The following FUT9 variants were observed in gnomAD, a reference collection of about 807,000 sequenced individuals.
The protein encoded by FUT9 is fucosyltransferase 9.
In FUT9, 15 loss-of-function variants were observed where a neutral mutation model predicts 29.7. The observed-to-expected ratio is 0.51, with a 90% CI of 0.34 to 0.78. The LOEUF (loss-of-function observed/expected upper bound fraction) is 0.78. FUT9 is among the 30% of genes least tolerant of loss of function. FUT9 has a pLI of 0.01. For synonymous variants in FUT9, 169 were observed against 153.7 expected (o/e 1.10, Z -0.74); for missense variants, 319 against 425.4 (o/e 0.75, Z 2.20).
At chr6:96,177,682 G>A (rs2127984979) in intron 2 of FUT9, among the ~76,000 whole-genome samples, 1 of 152,264 alleles carries the variant, frequency 6.6e-6, no homozygotes, top group East Asian at 1.9e-4. Context: ...AATGAGGTAA[G>A]TATAGTAACA....
In FUT9 at chr6:96,130,094, C is replaced by T. The variant is rs1020287387; in HGVS notation, c.-9+15967C>T. Among the ~76,000 whole-genome samples the T allele has an allele frequency of 8.6e-5, 13 of 151,834 alleles. No homozygotes were observed. In the East Asian group the frequency reaches 1.9e-3, roughly 23 times the overall value. ...ACATTGGGAGGTGGGAGAGGGGGTA[C>T]GAATCTCAGCATGGTTTTTGGGAGA... On this transcript the variant is annotated intron_variant, in intron 2 of 2. Transcript: ENST00000302103.
At chr6:96,157,270 A>G (rs1772803188) in intron 2 of FUT9, among the ~76,000 whole-genome samples, 1 of 152,198 alleles carries the variant, frequency 6.6e-6, no homozygotes. Flanking sequence ...GACACCTCAG[A>G]GTCTGTTACC....
At position 96,204,416 on chromosome 6, in the gene FUT9, C is replaced by T. The variant is rs561257134; in HGVS notation, c.*181C>T. 2.2e-4 allele frequency: 93 copies of T among 417,980 alleles called. No homozygotes were observed. The highest frequency in any genetic ancestry group is 1.8e-3 in the African/African-American group (86 of 48,770). 25.9% of individuals were successfully genotyped at this position (417,980 alleles called of 1,614,324 possible). ...GCTCAGCATGAGCAATCATTCCATT[C>T]GGTTTTAAATTATCCTGTATATACC... is the stretch of plus-strand genomic sequence containing the variant. On this transcript the variant is annotated 3_prime_UTR_variant, in exon 3 of 3. Transcript: ENST00000302103.
intron 2 of FUT9, among the ~76,000 whole-genome samples, chr6:96,174,511 G>A (rs1046850877): frequency 2.0e-5 from 3 of 152,106 alleles, no homozygotes; most frequent in Non-Finnish European, 4.4e-5. Context: ...TCTTTCACCA[G>A]TTAAGTACAG....
At chr6:96,095,795 A>G (rs80278895) in intron 1 of FUT9, among the ~76,000 whole-genome samples, 3,939 of 152,192 alleles carry the variant, frequency 0.026, 193 homozygotes, top group African/African-American at 0.09. Context: ...GCTTTGAATT[A>G]CAGCTCAACT....
At chr6:96,096,517 G>T (rs1365422527) in intron 1 of FUT9, among the ~76,000 whole-genome samples, 1 of 151,968 alleles carries the variant, frequency 6.6e-6, no homozygotes, top group Admixed American at 6.6e-5. Flanking sequence ...TACCTAATCT[G>T]TCCCATCACT....
chr6:96,072,859 T>C (rs1399704583), intron 1 of FUT9, among the ~76,000 whole-genome samples: 1 of 152,180 alleles, frequency 6.6e-6, no homozygotes, highest in Non-Finnish European at 1.5e-5. Flanking sequence ...ATGGATACTT[T>C]CTAGTATATT....
In FUT9 at chr6:96,171,684, T is replaced by C. The variant is rs180870313; in HGVS notation, c.-8-31464T>C. ...AAATAGTGATATCTTTAACCTAAAG[T>C]ATGTAAAAATTCTAAATAGCAGCTT... On this transcript the variant is annotated intron_variant, in intron 2 of 2. Transcript: ENST00000302103. Among the ~76,000 whole-genome samples the C allele has an allele frequency of 4.2e-3, 647 of 152,240 alleles. 5 individuals carry two copies. Among genetic ancestry groups the C allele is most frequent in the African/African-American group, 0.015 (624 of 41,554 alleles).
chr6:96,090,506 A>C (rs1395834633), intron 1 of FUT9, among the ~76,000 whole-genome samples: 1 of 151,970 alleles, frequency 6.6e-6, no homozygotes, highest in Non-Finnish European at 1.5e-5. Flanking sequence ...TTTACTATTT[A>C]TATAGTAAAA....
At chr6:96,176,305 T>C (rs907252679) in intron 2 of FUT9, among the ~76,000 whole-genome samples, 1 of 151,934 alleles carries the variant, frequency 6.6e-6, no homozygotes. Flanking sequence ...TCTCTCTACA[T>C]TTATAAAATA....
intron 2 of FUT9, among the ~76,000 whole-genome samples, chr6:96,125,876 C>G (rs914060365): frequency 2.0e-5 from 3 of 152,166 alleles, no homozygotes; most frequent in Non-Finnish European, 2.9e-5. Flanking sequence ...GCTTTCTTTT[C>G]TATGTCATTA....
chr6:96,206,629 GT>G lies in FUT9; in HGVS notation c.*2399del, dbSNP rs1773835455. The G allele has an allele frequency of 1.9e-5, 3 of 160,980 alleles. No homozygotes were observed. The South Asian group carries it at 6.2e-4, about 33-fold the overall frequency. 10.0% of individuals were successfully genotyped at this position (160,980 alleles called of 1,614,324 possible). A position where few individuals can be genotyped will look rare whatever the true frequency, so the allele number is the denominator to read the frequency against. ...AGGCGTGTACCACTATGCCTGGCTA[GT>G]TTTTGTATTTTTAGTAGAGATGGGT... On this transcript the variant is annotated 3_prime_UTR_variant, in exon 3 of 3. Transcript: ENST00000302103.
At chr6:96,175,470 A>G (rs1015062926) in intron 2 of FUT9, among the ~76,000 whole-genome samples, 2 of 152,220 alleles carry the variant, frequency 1.3e-5, no homozygotes, top group African/African-American at 4.8e-5. Flanking sequence ...AATGGTCTCG[A>G]TGCTAAATAT....
intron 1 of FUT9, among the ~76,000 whole-genome samples, chr6:96,048,299 G>C (rs547382556): frequency 6.6e-6 from 1 of 152,280 alleles, no homozygotes; most frequent in East Asian, 1.9e-4. Context: ...TTCCCACCCA[G>C]ACATCTTCTG....
At chr6:96,078,577 C>T (rs1771182883) in intron 1 of FUT9, among the ~76,000 whole-genome samples, 2 of 151,532 alleles carry the variant, frequency 1.3e-5, no homozygotes, top group Non-Finnish European at 1.5e-5. Flanking sequence ...CATGCCACTA[C>T]GCCCGGCTAA....
chr6:96,119,821 T>C (rs1340285190), intron 2 of FUT9, among the ~76,000 whole-genome samples: 1 of 152,194 alleles, frequency 6.6e-6, no homozygotes, highest in Non-Finnish European at 1.5e-5. Flanking sequence ...TGCTTTCCAA[T>C]CACAATGATG....
At position 96,203,337 on chromosome 6, in the gene FUT9, T is replaced by C. The variant is rs1284032672; in HGVS notation, c.182T>C (p.Phe61Ser). The change falls in exon 3 of 3, where the codon TTT becomes TCT. Residue 61 changes from phenylalanine to serine, a missense_variant. Phe to Ser is a radical substitution (Grantham distance 155, BLOSUM62 -2). Transcript: ENST00000302103. ...KNFFSTKTDY[F>S]NETTILVWVW... ...TTCTTTTCCACCAAAACTGATTATT[T>C]TAATGAAACTACTATTCTGGTGTGG... The C allele has an allele frequency of 1.9e-6, 3 of 1,613,948 alleles. No homozygotes were observed. The highest frequency in any genetic ancestry group is 2.5e-6 in the Non-Finnish European group (3 of 1,179,904).
intron 1 of FUT9, chr6:96,036,711 C>T (rs564259088): frequency 6.6e-6 from 1 of 151,794 alleles, no homozygotes. Context: ...GATTAAAAAC[C>T]ATTGCTGTGG....
intron 2 of FUT9, among the ~76,000 whole-genome samples, chr6:96,142,123 A>C (rs116013129): frequency 6.6e-6 from 1 of 152,180 alleles, no homozygotes; most frequent in Non-Finnish European, 1.5e-5. Flanking sequence ...AAAACCTAAT[A>C]ATTTCAGAGG....
Sources: allele counts gnomAD v4.1 joint callset (sites outside exome capture counted in the v4.1 genomes callset), GRCh38; gene constraint gnomAD v4.1.1; transcripts MANE v1.5; gene names NCBI Gene and HGNC (gene_info 2026-07-23, HGNC 2026-07-21).